TRAK2: variants seen among roughly 807,000 people sequenced by gnomAD.
TRAK2 encodes the protein trafficking kinesin-binding protein 2.
In TRAK2, 81 loss-of-function variants were observed where a neutral mutation model predicts 104.6. That is an observed-to-expected ratio of 0.77 (90% CI 0.65 to 0.93). The LOEUF (loss-of-function observed/expected upper bound fraction) is 0.93, where lower values mean the gene tolerates loss of function less well. TRAK2 is among the 40% of genes least tolerant of loss of function. The probability of loss-of-function intolerance (pLI) is 0.00; values close to 1 mark genes in which losing one functional copy is unlikely to be tolerated. For missense variants in TRAK2, 1,002 were observed against 1,089.0 expected, an observed-to-expected ratio of 0.92 and a Z score of 1.12; for synonymous variants, 406 against 394.4, an observed-to-expected ratio of 1.03 and a Z score of -0.35.
chr2:201,428,527 T>C (rs1315004273), intron 1 of TRAK2, among the ~76,000 whole-genome samples: 2 of 152,222 alleles, frequency 1.3e-5, no homozygotes, highest in South Asian at 2.1e-4. Context: ...CATTGGTCTA[T>C]ATCTCTGTTT....
intron 1 of TRAK2, among the ~76,000 whole-genome samples, chr2:201,441,130 G>A (rs1421788698): frequency 6.6e-6 from 1 of 152,102 alleles, no homozygotes; most frequent in African/African-American, 2.4e-5. Flanking sequence ...GAATTGCCTT[G>A]AAAAACACAG....
Position 201,381,173 on chromosome 2 carries a change from T to G in TRAK2, c.2115A>C (p.Ser705=). The G allele has an allele frequency of 6.2e-7, 1 of 1,612,666 alleles. No individual in the cohort carries two copies. Among genetic ancestry groups the G allele is most frequent in the Non-Finnish European group, 8.5e-7 (1 of 1,179,810 alleles). ...CAGGAGAATTCACAGCCGTGTTGGA[T>G]GAACTGCTACCGCTACTTCCACAGG... ...SLSCGSSGSS[S]SNTAVNSPAL... Residue 705 remains serine (S), a synonymous_variant, in exon 16 of 16, where the codon TCA becomes TCC. Coordinates refer to ENST00000332624, the MANE Select transcript of TRAK2 (RefSeq NM_015049.3).
chr2:201,406,436 AT>A (rs954932253), intron 3 of TRAK2, among the ~76,000 whole-genome samples: 2 of 152,064 alleles, frequency 1.3e-5, no homozygotes, highest in African/African-American at 2.4e-5. Flanking sequence ...AATGTTTATA[AT>A]TTTTTTTGAG....
In TRAK2 at chr2:201,399,442, G is replaced by A. The variant is rs77033634; in HGVS notation, c.415C>T (p.Arg139Trp). ...AARIGQALLKRNHVLSEQNES... is the reference protein window; with the variant it reads ...AARIGQALLKWNHVLSEQNES... ...TTCTGCTCAGATAAGACATGGTTCC[G>A]CTTTAAGAGAGCTTGTCCAATTCGA... Residue 139 changes from arginine to tryptophan, a missense_variant, in exon 5 of 16, where the codon CGG becomes TGG. Arg to Trp is a moderately radical substitution (Grantham distance 101). Coordinates refer to ENST00000332624, the MANE Select transcript of TRAK2 (RefSeq NM_015049.3). 16 of 1,612,548 alleles carry A rather than the reference G, an allele frequency of 9.9e-6. No individual in the cohort carries two copies. Among genetic ancestry groups the A allele is most frequent in the African/African-American group, 2.7e-5 (2 of 74,860 alleles).
intron 2 of TRAK2, chr2:201,413,455 A>T: frequency 1.6e-4 from 56 of 339,756 alleles, no homozygotes; most frequent in East Asian, 2.2e-4. Flanking sequence ...AGGGATAGGG[A>T]GGGGAGGGAT....
chr2:201,414,490 C>A (rs1384777409), intron 2 of TRAK2, among the ~76,000 whole-genome samples: 1 of 152,180 alleles, frequency 6.6e-6, no homozygotes, highest in Non-Finnish European at 1.5e-5. Flanking sequence ...TACGACTTGA[C>A]CTTGACTTCA....
At chr2:201,437,917 C>T (rs558889308) in intron 1 of TRAK2, among the ~76,000 whole-genome samples, 1 of 152,322 alleles carries the variant, frequency 6.6e-6, no homozygotes, top group South Asian at 2.1e-4. Context: ...GAAAAATATA[C>T]TAACTCTATG....
Position 201,381,086 on chromosome 2 carries a change from G to T in TRAK2, c.2202C>A (p.Thr734=), listed in dbSNP as rs1300810339. 1 of 1,613,834 alleles carries T rather than the reference G, an allele frequency of 6.2e-7. No individual in the cohort carries two copies. Among genetic ancestry groups the T allele is most frequent in the African/African-American group, 1.3e-5 (1 of 74,904 alleles). Residue 734 remains threonine, a synonymous_variant, in exon 16 of 16, where the codon ACC becomes ACA. Coordinates refer to ENST00000332624, the MANE Select transcript of TRAK2 (RefSeq NM_015049.3). ...SITNRRDSTT[T]FSSTMSLAKL... The stretch of plus-strand genomic sequence containing the variant: ...TGGCCAAGCTCATGGTGCTACTGAA[G>T]GTTGTAGTGGAATCTCGTCGGTTGG...
At chr2:201,448,825 T>G (rs1281170554) in intron 1 of TRAK2, among the ~76,000 whole-genome samples, 1 of 152,206 alleles carries the variant, frequency 6.6e-6, no homozygotes, top group African/African-American at 2.4e-5. Context: ...AGGGATCCTT[T>G]GATCTCAGCT....
At chr2:201,395,170 G>A (rs956958161) in intron 8 of TRAK2, 144 bp downstream of exon 8, 2 of 667,730 alleles carry the variant, frequency 3.0e-6, no homozygotes, top group African/African-American at 3.8e-5. Flanking sequence ...ATGACATAAA[G>A]ATGATTAAAA....
At chr2:201,393,262 A>C (rs1209206781) in intron 9 of TRAK2, among the ~76,000 whole-genome samples, 4 of 152,184 alleles carry the variant, frequency 2.6e-5, no homozygotes, top group Non-Finnish European at 5.9e-5. Flanking sequence ...GGCCAAAATT[A>C]TACACGGATG....
In TRAK2 at chr2:201,411,939, T is replaced by C. The variant is rs150099298; in HGVS notation, c.92-4342A>G. 124 of 994,874 alleles carry C rather than the reference T, an allele frequency of 1.2e-4. 1 individual carries two copies. In the African/African-American group the frequency reaches 1.7e-3, roughly 13 times the overall value. The allele number at this position is 994,874 out of a possible 1,614,324, so 61.6% of individuals were successfully genotyped here. On this transcript the variant is annotated intron_variant, in intron 2 of 15. Transcript: ENST00000332624. Reference sequence around the variant, plus strand: ...TTTAGACAGAGCTCCTGGTATTGAATGGAAGGAGCTTCTAGTGCTCTGTAA... The same window carrying C: ...TTTAGACAGAGCTCCTGGTATTGAACGGAAGGAGCTTCTAGTGCTCTGTAA...
chr2:201,411,144 A>G, intron 2 of TRAK2: 2 of 795,116 alleles, frequency 2.5e-6, no homozygotes, highest in Non-Finnish European at 4.4e-6. Flanking sequence ...AAGGCTAGTC[A>G]AAGATGACAT....
chr2:201,398,464 A>C (rs1263691391), intron 5 of TRAK2, 110 bp from the exon 6 acceptor site: 2 of 1,044,452 alleles, frequency 1.9e-6, no homozygotes, highest in East Asian at 5.2e-5. Context: ...AAAATCACAA[A>C]ATCAGCTGCT....
At chr2:201,427,436 C>G (rs1481008558) in intron 1 of TRAK2, among the ~76,000 whole-genome samples, 1 of 151,462 alleles carries the variant, frequency 6.6e-6, no homozygotes, top group Non-Finnish European at 1.5e-5. Context: ...GTTTTCTGTC[C>G]TTGCGATAGT....
intron 15 of TRAK2, among the ~76,000 whole-genome samples, chr2:201,382,132 C>A (rs938309341): frequency 6.6e-6 from 1 of 152,178 alleles, no homozygotes; most frequent in Non-Finnish European, 1.5e-5. Flanking sequence ...ACAATACATA[C>A]TTGCCTTGCC....
intron 11 of TRAK2, 78 bp from the exon 12 acceptor site, chr2:201,389,581 A>C (rs1241774252): frequency 1.4e-6 from 2 of 1,417,446 alleles, no homozygotes; most frequent in Middle Eastern, 2.3e-4. Flanking sequence ...TGTGCAGTCC[A>C]TCAGAAATAA....
Position 201,407,583 on chromosome 2 carries a change from C to G in TRAK2, c.106G>C (p.Glu36Gln), listed in dbSNP as rs148522768. 1 of 1,613,036 alleles carries G rather than the reference C, an allele frequency of 6.2e-7. No individual in the cohort carries two copies. The highest frequency in any genetic ancestry group is 1.3e-5 in the African/African-American group (1 of 74,890). ...SESITDVCSN[E>Q]DLPEVELVSL... ...ACCAGCTCAACTTCAGGGAGATCCT[C>G]ATTGGAGCAGACATCTAAAGAGGAG... Residue 36 changes from glutamate (E) to glutamine (Q), a missense_variant, in exon 3 of 16, where the codon GAG becomes CAG. Transcript: ENST00000332624.
intron 6 of TRAK2, 63 bp downstream of exon 6, chr2:201,398,082 G>C: frequency 1.4e-6 from 2 of 1,481,070 alleles, no homozygotes; most frequent in Non-Finnish European, 1.9e-6. Context: ...CACCTCAATA[G>C]TACCTGGACC....
Sources: gnomAD v4.1 joint callset for allele counts (sites outside exome capture counted in the v4.1 genomes callset) on GRCh38, gnomAD v4.1.1 for gene constraint, MANE v1.5 for transcripts, NCBI Gene and HGNC (gene_info 2026-07-23, HGNC 2026-07-21) for gene names.